Variants in ADAMTS19 observed in about 807,000 individuals in gnomAD.
ADAMTS19 encodes A disintegrin and metalloproteinase with thrombospondin motifs 19.
Under a neutral mutation model 153.3 loss-of-function variants are expected in ADAMTS19, and 93 were observed. The observed-to-expected ratio is 0.61, with a 90% confidence interval of 0.51 to 0.72. The LOEUF is 0.72. Among genes scored for constraint, ADAMTS19 ranks in the 30% least tolerant of loss-of-function variants. ADAMTS19 has a pLI of 0.00. For synonymous variants in ADAMTS19, 600 were observed against 556.6 expected (o/e 1.08, Z -1.10); for missense variants, 1,482 against 1,552.1 (o/e 0.95, Z 0.76).
intron 3 of ADAMTS19, among the ~76,000 whole-genome samples, chr5:129,521,973 A>G (rs1751819778): frequency 6.6e-6 from 1 of 152,088 alleles, no homozygotes; most frequent in African/African-American, 2.4e-5. Context: ...GATAACTGGA[A>G]GAAAGTAAGG....
intron 21 of ADAMTS19, among the ~76,000 whole-genome samples, chr5:129,711,908 C>T (rs575602777): frequency 1.4e-4 from 22 of 152,084 alleles, no homozygotes; most frequent in Middle Eastern, 6.9e-3. Context: ...CCAAAGATCG[C>T]TTTTGCAGAG....
In ADAMTS19 at chr5:129,608,108, G is replaced by A. The variant is rs1398711833; in HGVS notation, c.1478+11444G>A. On this transcript the variant is annotated intron_variant, in intron 8 of 22. Coordinates refer to ENST00000274487, the MANE Select transcript of ADAMTS19 (RefSeq NM_133638.6). ...TATATATATGTGTGTGTGTGTGTGT[G>A]TGTGTGTGTATATATATATATATAT... 1.5e-4 allele frequency among the ~76,000 whole-genome samples: 6 copies of A among 40,768 alleles called. No individual in the cohort carries two copies. The East Asian group carries it at 2.9e-3, about 19-fold the overall frequency. The allele number at this position is 40,768 out of a possible 152,430, so 26.7% of individuals were successfully genotyped here. A position where few individuals can be genotyped will look rare whatever the true frequency, so the allele number is the denominator to read the frequency against.
At chr5:129,631,660 A>C (rs1458042140) in intron 10 of ADAMTS19, among the ~76,000 whole-genome samples, 2 of 151,622 alleles carry the variant, frequency 1.3e-5, no homozygotes, top group Non-Finnish European at 2.9e-5. Flanking sequence ...ATTATATCTG[A>C]TATTAATCTG....
intron 3 of ADAMTS19, among the ~76,000 whole-genome samples, chr5:129,521,489 C>T (rs1751796688): frequency 6.6e-6 from 1 of 152,058 alleles, no homozygotes; most frequent in Admixed American, 6.6e-5. Context: ...ATCTATACAA[C>T]AAATAAGTAG....
chr5:129,587,480 C>T (rs1043276283), intron 7 of ADAMTS19, among the ~76,000 whole-genome samples: 2 of 152,038 alleles, frequency 1.3e-5, no homozygotes, highest in African/African-American at 4.8e-5. Flanking sequence ...ATCTCTGCAG[C>T]AATGGAGGTT....
At chr5:129,730,249 G>A (rs894841494) in intron 21 of ADAMTS19, among the ~76,000 whole-genome samples, 18 of 151,994 alleles carry the variant, frequency 1.2e-4, no homozygotes, top group African/African-American at 4.3e-4. Flanking sequence ...ACACTGAACT[G>A]GAAATATTCA....
chr5:129,664,594 G>A (rs1753956450), intron 15 of ADAMTS19, among the ~76,000 whole-genome samples: 1 of 151,918 alleles, frequency 6.6e-6, no homozygotes, highest in Admixed American at 6.6e-5. Flanking sequence ...CAACAGTCTC[G>A]GGAAGATGAA....
At chr5:129,637,617 G>T (rs1752590305) in intron 10 of ADAMTS19, among the ~76,000 whole-genome samples, 1 of 152,152 alleles carries the variant, frequency 6.6e-6, no homozygotes, top group South Asian at 2.1e-4. Context: ...GGCCGATGCG[G>T]GCGGATCAGC....
rs73785257 is a variant in ADAMTS19, at chr5:129,689,933, C to T, written c.2819-4787C>T. Reference sequence around the variant, plus strand: ...GATTTTTAATACCTAAGCGATAATCCATGAACTGGATTTGCCATAAGAAGA... The same window carrying T: ...GATTTTTAATACCTAAGCGATAATCTATGAACTGGATTTGCCATAAGAAGA... On this transcript the variant is annotated intron_variant, in intron 18 of 22. Coordinates refer to ENST00000274487, the MANE Select transcript of ADAMTS19 (RefSeq NM_133638.6). Among the ~76,000 whole-genome samples the T allele has an allele frequency of 3.9e-3, 593 of 152,128 alleles. 3 individuals carry two copies. The highest frequency in any genetic ancestry group is 0.014 in the African/African-American group (564 of 41,514).
intron 2 of ADAMTS19, among the ~76,000 whole-genome samples, chr5:129,497,680 T>A (rs1750970244): frequency 6.6e-6 from 1 of 152,122 alleles, no homozygotes; most frequent in Admixed American, 6.6e-5. Context: ...TGTGCCACTG[T>A]TCCCCCATGT....
At chr5:129,506,322 A>G (rs1751267519) in intron 2 of ADAMTS19, among the ~76,000 whole-genome samples, 1 of 152,166 alleles carries the variant, frequency 6.6e-6, no homozygotes, top group Non-Finnish European at 1.5e-5. Context: ...CTGAGTTGGA[A>G]CACAGTGGTC....
At chr5:129,533,960 A>G (rs1271846880) in intron 6 of ADAMTS19, among the ~76,000 whole-genome samples, 1 of 151,856 alleles carries the variant, frequency 6.6e-6, no homozygotes, top group Non-Finnish European at 1.5e-5. Flanking sequence ...GGTCTGAGAG[A>G]CAGTTTGTTA....
chr5:129,710,088 C>T lies in ADAMTS19; in HGVS notation c.3312+5697C>T, dbSNP rs184378819. Among the ~76,000 whole-genome samples, 64 of 152,158 alleles carry T rather than the reference C, an allele frequency of 4.2e-4. No individual in the cohort carries two copies. The East Asian group carries it at 0.011, about 27-fold the overall frequency. On this transcript the variant is annotated intron_variant, in intron 21 of 22. Transcript: ENST00000274487. ...CAGCCCATCACCTAGGTATTAAGCC[C>T]TGCATGTATTAGCTATTTATCCTGA...
At chr5:129,686,612 G>T (rs1465706350) in intron 18 of ADAMTS19, among the ~76,000 whole-genome samples, 1 of 152,060 alleles carries the variant, frequency 6.6e-6, no homozygotes, top group African/African-American at 2.4e-5. Context: ...GCTACAGGGA[G>T]AGTAAGAGGC....
At chr5:129,608,595 A>C (rs1038646527) in intron 8 of ADAMTS19, among the ~76,000 whole-genome samples, 1 of 152,146 alleles carries the variant, frequency 6.6e-6, no homozygotes, top group African/African-American at 2.4e-5. Context: ...ATATGCTCTA[A>C]GAGGAGATTA....
chr5:129,708,147 T>G (rs562968456), intron 21 of ADAMTS19, among the ~76,000 whole-genome samples: 1 of 152,194 alleles, frequency 6.6e-6, no homozygotes, highest in Non-Finnish European at 1.5e-5. Context: ...TTAAGGTATA[T>G]GCAAAGAGTG....
At chr5:129,604,128 T>A (rs2126936601) in intron 8 of ADAMTS19, among the ~76,000 whole-genome samples, 1 of 151,986 alleles carries the variant, frequency 6.6e-6, no homozygotes, top group African/African-American at 2.4e-5. Context: ...AGGGAGAGCA[T>A]CAGGAAAAAT....
At chr5:129,490,664 A>G (rs1447899891) in intron 2 of ADAMTS19, among the ~76,000 whole-genome samples, 1 of 152,164 alleles carries the variant, frequency 6.6e-6, no homozygotes, top group Non-Finnish European at 1.5e-5. Context: ...TAGGTAAATA[A>G]TGAGACAAGA....
intron 21 of ADAMTS19, among the ~76,000 whole-genome samples, chr5:129,730,492 TA>T (rs1394832453): frequency 2.6e-5 from 4 of 152,126 alleles, no homozygotes; most frequent in African/African-American, 9.7e-5. Context: ...ATAACAGAAA[TA>T]TAGGCTTCAT....
Sources: allele counts gnomAD v4.1 joint callset (sites outside exome capture counted in the v4.1 genomes callset), GRCh38; gene constraint gnomAD v4.1.1; transcripts MANE v1.5; gene names NCBI Gene and HGNC (gene_info 2026-07-23, HGNC 2026-07-21).